The following GRM1 variants were observed in gnomAD, a reference collection of about 807,000 sequenced individuals.
GRM1 encodes metabotropic glutamate receptor 1.
GRM1 carries 33 observed loss-of-function variants against 90.9 expected under a neutral mutation model. That is an observed-to-expected ratio of 0.36 (90% CI 0.28 to 0.49). The LOEUF (loss-of-function observed/expected upper bound fraction) is 0.49, where lower values mean the gene tolerates loss of function less well. Ranked by LOEUF, GRM1 falls within the 20% of genes least tolerant of loss-of-function variation. The pLI is 0.99. For synonymous variants in GRM1, 700 were observed against 613.2 expected (o/e 1.14, Z -2.09); for missense variants, 1,190 against 1,534.3 (o/e 0.78, Z 3.75).
rs989543701 is a variant in GRM1 at position 146,357,652 on chromosome 6, G to A, written c.1560G>A (p.Val520=). 1.2e-6 allele frequency: 2 copies of A among 1,614,088 alleles called. No individual in the cohort carries two copies. Among genetic ancestry groups the A allele is most frequent in the South Asian group, 1.1e-5 (1 of 91,086 alleles). ...TCCAGATGAACAAGAGTGGAGTGGT[G>A]CGGTCTGTGTGCAGTGAGCCTTGCT... is the stretch of plus-strand genomic sequence containing the variant. The part of the protein sequence containing the change: ...YKIQMNKSGV[V]RSVCSEPCLK... Residue 520 remains valine (V), a synonymous_variant, in exon 5 of 8, where the codon GTG becomes GTA. Coordinates refer to ENST00000282753, the MANE Select transcript of GRM1 (RefSeq NM_001278064.2).
chr6:146,203,011 C>G (rs553799607), intron 2 of GRM1, among the ~76,000 whole-genome samples: 2 of 151,728 alleles, frequency 1.3e-5, no homozygotes, highest in African/African-American at 2.4e-5. Flanking sequence ...CTGGCTAACA[C>G]GGTGAAACCC....
At chr6:146,277,446 G>T (rs1206660269) in intron 2 of GRM1, among the ~76,000 whole-genome samples, 1 of 152,188 alleles carries the variant, frequency 6.6e-6, no homozygotes, top group South Asian at 2.1e-4. Context: ...GGTGAAAACT[G>T]ATTTTGCTTT....
chr6:146,404,096 A>G (rs1777249752), intron 7 of GRM1, among the ~76,000 whole-genome samples: 1 of 152,022 alleles, frequency 6.6e-6, no homozygotes, highest in Admixed American at 6.6e-5. Context: ...TTTTGTAATT[A>G]TTTTTCTCTT....
chr6:146,156,697 A>G (rs779469609), intron 1 of GRM1, among the ~76,000 whole-genome samples: 3 of 152,084 alleles, frequency 2.0e-5, no homozygotes, highest in Non-Finnish European at 4.4e-5. Flanking sequence ...AATAATCTTC[A>G]TATTAGGCTC....
chr6:146,282,604 T>C (rs763114716), intron 2 of GRM1, among the ~76,000 whole-genome samples: 42 of 152,248 alleles, frequency 2.8e-4, no homozygotes, highest in African/African-American at 6.5e-4. Context: ...TACTCTCAAT[T>C]ATTAATTCAG....
chr6:146,133,467 A>C (rs948709893), intron 1 of GRM1, among the ~76,000 whole-genome samples: 1 of 152,238 alleles, frequency 6.6e-6, no homozygotes. Context: ...GAGATGACAG[A>C]GGATGATTTC....
chr6:146,325,675 T>A (rs1373060780), intron 3 of GRM1, among the ~76,000 whole-genome samples: 1 of 152,150 alleles, frequency 6.6e-6, no homozygotes, highest in Non-Finnish European at 1.5e-5. Context: ...TGTCCAGGGG[T>A]CCTTGGAACA....
At chr6:146,361,169 G>A (rs988284230) in intron 5 of GRM1, among the ~76,000 whole-genome samples, 1 of 152,214 alleles carries the variant, frequency 6.6e-6, no homozygotes, top group Non-Finnish European at 1.5e-5. Context: ...CCTATGGTCT[G>A]ACCTGGGTCC....
At chr6:146,358,878 A>T (rs910756788) in intron 5 of GRM1, among the ~76,000 whole-genome samples, 1 of 152,226 alleles carries the variant, frequency 6.6e-6, no homozygotes, top group African/African-American at 2.4e-5. Flanking sequence ...TCCTAGTTTT[A>T]GGTATCTTGT....
intron 7 of GRM1, among the ~76,000 whole-genome samples, chr6:146,424,559 A>G (rs1778127721): frequency 6.6e-6 from 1 of 152,202 alleles, no homozygotes; most frequent in African/African-American, 2.4e-5. Flanking sequence ...CACAAATTAA[A>G]AGATAACATT....
chr6:146,243,634 G>A (rs1780944506), intron 2 of GRM1, among the ~76,000 whole-genome samples: 1 of 152,086 alleles, frequency 6.6e-6, no homozygotes, highest in South Asian at 2.1e-4. Flanking sequence ...CAAGGCAAAT[G>A]GAGGCAGGGC....
intron 2 of GRM1, among the ~76,000 whole-genome samples, chr6:146,212,709 C>T (rs1345305589): frequency 6.6e-6 from 1 of 152,102 alleles, no homozygotes; most frequent in Non-Finnish European, 1.5e-5. Flanking sequence ...CCCAGGCTTG[C>T]CCCTACAAAC....
chr6:146,202,692 C>T (rs1464854335), intron 2 of GRM1, among the ~76,000 whole-genome samples: 1 of 152,176 alleles, frequency 6.6e-6, no homozygotes, highest in Non-Finnish European at 1.5e-5. Flanking sequence ...TCTTAGCACT[C>T]TCACTGGTCA....
chr6:146,396,093 T>TATCTATCTATCTATCTATCTATCTATC (rs1324277052), intron 6 of GRM1, among the ~76,000 whole-genome samples: 3 of 151,906 alleles, frequency 2.0e-5, no homozygotes, highest in Admixed American at 6.6e-5. Flanking sequence ...TCTATCTATC[T>TATCTATCTATCTATCTATCTATCTATC]ATCTATCTAT....
intron 1 of GRM1, among the ~76,000 whole-genome samples, chr6:146,038,043 A>G (rs1357544329): frequency 1.3e-5 from 2 of 152,030 alleles, no homozygotes; most frequent in Non-Finnish European, 2.9e-5. Context: ...CTTTCAATGT[A>G]GAGTGACTGC....
intron 3 of GRM1, among the ~76,000 whole-genome samples, chr6:146,316,083 C>T (rs1004960194): frequency 5.3e-5 from 8 of 152,082 alleles, no homozygotes. Flanking sequence ...CCTCTAAGAC[C>T]CTGACAAGAG....
In GRM1 at chr6:146,110,824, A is replaced by C. The variant is rs144064135; in HGVS notation, c.701-48524A>C. 6.8e-3 allele frequency among the ~76,000 whole-genome samples: 1,041 copies of C among 152,354 alleles called. 6 individuals carry two copies. Among genetic ancestry groups the C allele is most frequent in the Non-Finnish European group, 9.5e-3 (645 of 68,044 alleles). Reference sequence around the variant, plus strand: ...ACTGAAATCAAACCAGGCAAGAAGTACCTAGTTACTGACATTTATTAGGGG... The same window carrying C: ...ACTGAAATCAAACCAGGCAAGAAGTCCCTAGTTACTGACATTTATTAGGGG... On this transcript the variant is annotated intron_variant, in intron 1 of 7. Transcript: ENST00000282753.
intron 2 of GRM1, among the ~76,000 whole-genome samples, chr6:146,234,853 A>C (rs1001322614): frequency 6.6e-6 from 1 of 151,950 alleles, no homozygotes; most frequent in African/African-American, 2.4e-5. Flanking sequence ...AGCAATTCTC[A>C]TGCCTCAGCC....
chr6:146,388,033 T>C (rs572384602), intron 6 of GRM1, among the ~76,000 whole-genome samples: 1 of 152,190 alleles, frequency 6.6e-6, no homozygotes, highest in South Asian at 2.1e-4. Context: ...ATTGATTATA[T>C]GAGTTTGTAA....
Sources: gnomAD v4.1 joint callset for allele counts (sites outside exome capture counted in the v4.1 genomes callset) on GRCh38, gnomAD v4.1.1 for gene constraint, MANE v1.5 for transcripts, NCBI Gene and HGNC (gene_info 2026-07-23, HGNC 2026-07-21) for gene names.